Variants in KLHL32 observed in about 807,000 individuals in gnomAD.
The protein encoded by KLHL32 is kelch-like protein 32.
A neutral mutation model predicts 64.8 loss-of-function variants in KLHL32; 35 were observed. The observed-to-expected ratio is 0.54, with a 90% CI of 0.41 to 0.72. The LOEUF is 0.72. KLHL32 is among the 30% of genes least tolerant of loss of function. KLHL32 has a pLI of 0.00. For missense variants in KLHL32, 589 were observed against 768.5 expected (o/e 0.77, Z 2.76); for synonymous variants, 259 against 281.0 (o/e 0.92, Z 0.78).
chr6:97,092,321 A>G (rs1320254559), intron 6 of KLHL32, among the ~76,000 whole-genome samples: 3 of 152,080 alleles, frequency 2.0e-5, no homozygotes, highest in Admixed American at 2.0e-4. Context: ...TGTTGTTACT[A>G]TTATTTTCCC....
chr6:96,960,399 G>A (rs780196875), intron 1 of KLHL32, among the ~76,000 whole-genome samples: 2 of 152,180 alleles, frequency 1.3e-5, no homozygotes, highest in South Asian at 2.1e-4. Context: ...TCCTAAGATC[G>A]TATGTAAGGC....
chr6:97,055,163 T>C (rs1233725159), intron 4 of KLHL32, among the ~76,000 whole-genome samples: 1 of 152,176 alleles, frequency 6.6e-6, no homozygotes, highest in Non-Finnish European at 1.5e-5. Context: ...GATGAGTTTC[T>C]CACCCTCTCT....
chr6:97,073,348 A>G (rs1434177086), intron 5 of KLHL32, among the ~76,000 whole-genome samples: 1 of 152,204 alleles, frequency 6.6e-6, no homozygotes, highest in African/African-American at 2.4e-5. Flanking sequence ...TAATTAAATG[A>G]ACCGTCACTT....
chr6:96,902,197 CCCA>C, the KLHL32 span, among the ~76,000 whole-genome samples: 19 of 152,194 alleles, frequency 1.2e-4, no homozygotes, highest in Non-Finnish European at 2.2e-4. Flanking sequence ...AATTTACACT[CCCA>C]CCAATAGTGT....
intron 1 of KLHL32, among the ~76,000 whole-genome samples, chr6:96,949,995 T>C (rs1772379196): frequency 6.6e-6 from 1 of 152,146 alleles, no homozygotes. Flanking sequence ...TCAGTTACTC[T>C]GTAAAAAGCA....
intron 3 of KLHL32, 82 bp from the exon 4 acceptor site, chr6:97,041,410 T>C: frequency 1.2e-6 from 1 of 838,182 alleles, no homozygotes; most frequent in Non-Finnish European, 2.0e-6. Context: ...AAACTTTTTT[T>C]TCCCCTAGTC....
intron 3 of KLHL32, among the ~76,000 whole-genome samples, chr6:96,998,645 A>G (rs1242449107): frequency 6.6e-6 from 1 of 152,222 alleles, no homozygotes; most frequent in Non-Finnish European, 1.5e-5. Flanking sequence ...ATTTTACACT[A>G]TCCTGCCCTG....
the KLHL32 span, among the ~76,000 whole-genome samples, chr6:96,916,925 A>G: frequency 1.3e-5 from 2 of 152,290 alleles, no homozygotes; most frequent in East Asian, 3.9e-4. Flanking sequence ...TAATCAACCT[A>G]TGGAAAAATG....
chr6:96,959,192 C>G (rs746655791), intron 1 of KLHL32, among the ~76,000 whole-genome samples: 1 of 152,114 alleles, frequency 6.6e-6, no homozygotes. Flanking sequence ...CCCCAGGAGG[C>G]CTCCAACGTC....
chr6:97,012,056 C>G (rs1419835037), intron 3 of KLHL32, among the ~76,000 whole-genome samples: 2 of 152,114 alleles, frequency 1.3e-5, no homozygotes, highest in Non-Finnish European at 2.9e-5. Context: ...GAGTCTAAAC[C>G]CTAGCCTAGG....
intron 5 of KLHL32, among the ~76,000 whole-genome samples, chr6:97,074,782 C>T (rs1371148606): frequency 6.6e-6 from 1 of 151,560 alleles, no homozygotes; most frequent in Non-Finnish European, 1.5e-5. Flanking sequence ...ACTGATTTTG[C>T]CTATCCTGGT....
At chr6:97,021,363 T>C (rs188201247) in intron 3 of KLHL32, among the ~76,000 whole-genome samples, 2 of 150,902 alleles carry the variant, frequency 1.3e-5, no homozygotes, top group African/African-American at 2.5e-5. Flanking sequence ...GGAGAGCCGA[T>C]GATGTAGTTT....
intron 4 of KLHL32, among the ~76,000 whole-genome samples, chr6:97,058,065 G>A (rs896108153): frequency 6.6e-6 from 1 of 151,998 alleles, no homozygotes; most frequent in African/African-American, 2.4e-5. Context: ...ATATTTATGT[G>A]AGTCTGTTTC....
intron 3 of KLHL32, among the ~76,000 whole-genome samples, chr6:96,986,377 G>A (rs1426559888): frequency 6.6e-6 from 1 of 152,198 alleles, no homozygotes; most frequent in Non-Finnish European, 1.5e-5. Flanking sequence ...CATGCTGGGA[G>A]AACCACTACT....
In KLHL32 at chr6:97,039,648, C is replaced by T. The variant is rs1348876630; in HGVS notation, c.205-1844C>T. 2.8e-5 allele frequency among the ~76,000 whole-genome samples: 4 copies of T among 141,854 alleles called. No homozygotes were observed. In the South Asian group the frequency reaches 8.7e-4, roughly 31 times the overall value. The allele number at this position is 141,854 out of a possible 152,430, so 93.1% of individuals were successfully genotyped here. ...CAGCCTGGCCAATATGGTGAAACCC[C>T]ATCTCTACTAAAAATACAAAAATTA... On this transcript the variant is annotated intron_variant, in intron 3 of 10. Transcript: ENST00000369261.
upstream of KLHL32, among the ~76,000 whole-genome samples, chr6:96,922,485 G>A (rs527545196): frequency 1.5e-5 from 2 of 135,080 alleles, no homozygotes; most frequent in East Asian, 4.2e-4. Context: ...GTTTTCAGTT[G>A]CAACCAAAGA....
At chr6:96,926,816 G>T (rs1769221165) in intron 1 of KLHL32, among the ~76,000 whole-genome samples, 1 of 152,104 alleles carries the variant, frequency 6.6e-6, no homozygotes, top group Non-Finnish European at 1.5e-5. Flanking sequence ...AGAAGCTTCT[G>T]GATTTTTTTT....
chr6:96,936,947 G>A (rs145745411), intron 1 of KLHL32, among the ~76,000 whole-genome samples: 2 of 152,104 alleles, frequency 1.3e-5, no homozygotes, highest in African/African-American at 4.8e-5. Flanking sequence ...TCTCAATGAA[G>A]TCCATTGTGA....
chr6:97,111,727 A>G (rs1336789014), intron 6 of KLHL32, among the ~76,000 whole-genome samples: 2 of 152,198 alleles, frequency 1.3e-5, no homozygotes, highest in East Asian at 1.9e-4. Context: ...TCTGGCGTTC[A>G]GGAGGAATGA....
Sources: gnomAD v4.1 joint callset for allele counts (sites outside exome capture counted in the v4.1 genomes callset) on GRCh38, gnomAD v4.1.1 for gene constraint, MANE v1.5 for transcripts, NCBI Gene and HGNC (gene_info 2026-07-23, HGNC 2026-07-21) for gene names.